FLII: variants seen among roughly 807,000 people sequenced by gnomAD.
FLII encodes FLII actin remodeling protein, also known as protein flightless-1 homolog.
FLII carries 101 observed loss-of-function variants against 156.2 expected under a neutral mutation model. The ratio of observed to expected loss-of-function variants is 0.65; its 90% CI spans 0.55 to 0.76. The LOEUF (loss-of-function observed/expected upper bound fraction) is 0.76. FLII is among the 30% of genes least tolerant of loss of function. FLII has a pLI of 0.00. For missense variants in FLII, 1,675 were observed against 1,682.8 expected, an observed-to-expected ratio of 1.00 and a Z score of 0.08; for synonymous variants, 767 against 685.8, an observed-to-expected ratio of 1.12 and a Z score of -1.85.
At chr17:18,256,658 T>G in intron 2 of FLII, 61 bp from the exon 3 acceptor site, 1 of 1,414,424 alleles carries the variant, frequency 7.1e-7, no homozygotes, top group Non-Finnish European at 9.8e-7. Context: ...AGTCCCTGCC[T>G]GCCTCCACAA....
In FLII at chr17:18,254,750, C is replaced by T. The variant is rs772677037; in HGVS notation, c.413+19G>A. The T allele has an allele frequency of 5.0e-6, 8 of 1,613,886 alleles. No homozygotes were observed. The highest frequency in any genetic ancestry group is 1.7e-5 in the Admixed American group (1 of 60,014). On this transcript the variant is annotated intron_variant, in intron 5 of 29. Transcript: ENST00000327031. ...CCCCACAGGGCCCACCTGCCCCCTGCCCCCCACTGGCCTGGCACCTGTTGT... is the reference window on the plus strand; with the variant it reads ...CCCCACAGGGCCCACCTGCCCCCTGTCCCCCACTGGCCTGGCACCTGTTGT...
intron 2 of FLII, 78 bp from the exon 3 acceptor site, chr17:18,256,675 A>G (rs1403244509): frequency 7.6e-7 from 1 of 1,319,744 alleles, no homozygotes; most frequent in Non-Finnish European, 1.1e-6. Flanking sequence ...ACAACTCTGC[A>G]CCATCCAGGA....
rs550188186 is a variant in FLII, at chr17:18,256,401, C to T, written c.246+125G>A. 16 of 723,264 alleles carry T rather than the reference C, an allele frequency of 2.2e-5. No homozygotes were observed. In the African/African-American group the frequency reaches 2.6e-4, roughly 12 times the overall value. 44.8% of individuals were successfully genotyped at this position (723,264 alleles called of 1,614,324 possible). A position where few individuals can be genotyped will look rare whatever the true frequency, so the allele number is the denominator to read the frequency against. Reference sequence around the variant, plus strand: ...AGAGGGCCCCTCTGTGACACCTGAGCCTCTGAGCCTGACACGGAGGTGGGC... The same window carrying T: ...AGAGGGCCCCTCTGTGACACCTGAGTCTCTGAGCCTGACACGGAGGTGGGC... On this transcript the variant is annotated intron_variant, in intron 3 of 29. Coordinates refer to ENST00000327031, the MANE Select transcript of FLII (RefSeq NM_002018.4).
At chr17:18,247,120 C>CCGGGGGGGG in intron 21 of FLII, 49 bp downstream of exon 21, 2 of 1,284,392 alleles carry the variant, frequency 1.6e-6, no homozygotes, top group Non-Finnish European at 2.1e-6. Flanking sequence ...CCGCCCTCGG[C>CCGGGGGGGG]CTGCCCCCCA....
intron 21 of FLII, 46 bp downstream of exon 21, chr17:18,247,123 G>GGGGGCCCC: frequency 8.0e-7 from 1 of 1,249,070 alleles, no homozygotes; most frequent in African/African-American, 2.5e-5. Context: ...CCCTCGGCCT[G>GGGGGCCCC]CCCCCCACCC....
At position 18,247,374 on chromosome 17, in the gene FLII, C is replaced by CAACT; in HGVS notation, c.2488-21_2488-18dup. Reference sequence around the variant, plus strand: ...CTTGAACACCTGCCAGGGAGGCCATCAACTAACCATGAGGGGTGCGGCATG... The same window carrying CAACT: ...CTTGAACACCTGCCAGGGAGGCCATCAACTAACTAACCATGAGGGGTGCGGCATG... On this transcript the variant is annotated splice_polypyrimidine_tract_variant and intron_variant, in intron 20 of 29. Transcript: ENST00000327031. The CAACT allele has an allele frequency of 1.9e-6, 3 of 1,592,136 alleles. No homozygotes were observed. Among genetic ancestry groups the CAACT allele is most frequent in the Non-Finnish European group, 2.6e-6 (3 of 1,169,190 alleles).
chr17:18,248,179 G>T, intron 18 of FLII, 146 bp from the exon 19 acceptor site: 1 of 618,156 alleles, frequency 1.6e-6, no homozygotes, highest in Non-Finnish European at 2.8e-6. Context: ...TCTTTTTAGG[G>T]ATATCCTTTC....
At chr17:18,257,627 C>A (rs147176229) in intron 1 of FLII, among the ~76,000 whole-genome samples, 1 of 152,234 alleles carries the variant, frequency 6.6e-6, no homozygotes, top group Non-Finnish European at 1.5e-5. Context: ...TTCCCCCTAG[C>A]GCCACATTCC....
intron 20 of FLII, 113 bp downstream of exon 20, chr17:18,247,542 CAA>C: frequency 8.9e-7 from 1 of 1,123,214 alleles, no homozygotes; most frequent in South Asian, 1.6e-5. Context: ...GCAGAGTCAG[CAA>C]AGAGGAGGTG....
chr17:18,249,254 C>A, intron 15 of FLII, 53 bp from the exon 16 acceptor site: 1 of 1,611,410 alleles, frequency 6.2e-7, no homozygotes, highest in African/African-American at 1.3e-5. Flanking sequence ...CTAACTTAGC[C>A]CCAACACCCT....
chr17:18,254,988 C>T, intron 4 of FLII, 134 bp from the exon 5 acceptor site: 3 of 986,690 alleles, frequency 3.0e-6, no homozygotes, highest in Non-Finnish European at 4.9e-6. Flanking sequence ...AGGGAGACAG[C>T]CAGGGACTTG....
rs1286232189 is a variant in FLII at position 18,258,425 on chromosome 17, C to A, written c.63+203G>T. On this transcript the variant is annotated intron_variant, in intron 1 of 29. Coordinates refer to ENST00000327031, the MANE Select transcript of FLII (RefSeq NM_002018.4). The surrounding 1 kb of genome is among the most constrained non-coding windows in gnomAD (Gnocchi z 4.2). The stretch of plus-strand genomic sequence containing the variant: ...AGCCCAAGCGTCCGTCCCCGGCCTG[C>A]CCAGCCTCGGTCTCCCCGTACAGGC... 1.4e-6 allele frequency: 2 copies of A among 1,461,074 alleles called. No individual in the cohort carries two copies. The highest frequency in any genetic ancestry group is 2.8e-5 in the East Asian group (1 of 36,074). 90.5% of individuals were successfully genotyped at this position (1,461,074 alleles called of 1,614,324 possible).
At chr17:18,245,500 T>A (rs568418687) in intron 28 of FLII, 55 bp downstream of exon 28, 2 of 1,611,162 alleles carry the variant, frequency 1.2e-6, no homozygotes, top group South Asian at 2.2e-5. Flanking sequence ...TTCCCATTTG[T>A]AAGTAAGTCT....
chr17:18,245,484 C>G (rs187507610), intron 28 of FLII, 65 bp from the exon 29 acceptor site: 5 of 1,612,024 alleles, frequency 3.1e-6, no homozygotes, highest in South Asian at 1.1e-5. Context: ...GCTCCTGGCC[C>G]GAGAATTCCC....
At position 18,246,019 on chromosome 17, in the gene FLII, C is replaced by T; in HGVS notation, c.3311G>A (p.Trp1104Ter). 1.2e-6 allele frequency: 2 copies of T among 1,614,156 alleles called. No individual in the cohort carries two copies. The highest frequency in any genetic ancestry group is 1.7e-6 in the Non-Finnish European group (2 of 1,180,030). ...SEDNQGIVYA[W>*]VGRASDPDEA... Reference sequence around the variant, plus strand: ...GTCAGGGTCTGATGCCCGGCCCACCCAGGCATACACGATGCCCTGGTTGTC... The same window carrying T: ...GTCAGGGTCTGATGCCCGGCCCACCTAGGCATACACGATGCCCTGGTTGTC... The change falls in exon 26 of 30, where the codon TGG becomes TAG. Residue 1104 changes from tryptophan to a stop codon, truncating the protein, a stop_gained. Coordinates refer to ENST00000327031, the MANE Select transcript of FLII (RefSeq NM_002018.4). LOFTEE classifies it high-confidence loss of function.
chr17:18,254,893 C>T lies in FLII; in HGVS notation c.328-39G>A, dbSNP rs754988668. 36 of 1,601,404 alleles carry T rather than the reference C, an allele frequency of 2.2e-5. No individual in the cohort carries two copies. In the South Asian group the frequency reaches 4.0e-4, roughly 18 times the overall value. Reference sequence around the variant, plus strand: ...GCAAGACCCAGGTCAGGGGAGTCTCCTCCCCACCAGGCGTCTGCCAAGCTT... The same window carrying T: ...GCAAGACCCAGGTCAGGGGAGTCTCTTCCCCACCAGGCGTCTGCCAAGCTT... On this transcript the variant is annotated intron_variant, in intron 4 of 29. Transcript: ENST00000327031.
At chr17:18,248,971 A>T (rs1203723102) in intron 16 of FLII, 88 bp from the exon 17 acceptor site, 2 of 1,420,600 alleles carry the variant, frequency 1.4e-6, no homozygotes, top group African/African-American at 2.8e-5. Context: ...AAAATCCCTC[A>T]CTATGGGGTT....
rs1280854802 is a variant in FLII at position 18,252,054 on chromosome 17, C to G, written c.1191G>C (p.Gln397His). The change falls in exon 11 of 30, where the codon CAG (glutamine) becomes CAC (histidine). Residue 397 changes from glutamine (Q) to histidine (H), a missense_variant. Around this residue, in one of 2 missense-constraint regions of FLII, gnomAD observed 1,332 missense variants for 1,269.3 expected, o/e 1.05. Coordinates refer to ENST00000327031, the MANE Select transcript of FLII (RefSeq NM_002018.4). ...AGGCACCCGCTAGCCGCAGCTGGTTCTGCAGCGAGAAGTCGATGTTGTACC... is the reference window on the plus strand; with the variant it reads ...AGGCACCCGCTAGCCGCAGCTGGTTGTGCAGCGAGAAGTCGATGTTGTACC... ...AEWYNIDFSL[Q>H]NQLRLAGASP... 6.2e-7 allele frequency: 1 copy of G among 1,613,364 alleles called. No individual in the cohort carries two copies. The highest frequency in any genetic ancestry group is 1.1e-5 in the South Asian group (1 of 91,088).
chr17:18,256,345 T>C (rs1309943016), intron 3 of FLII, among the ~76,000 whole-genome samples, 181 bp downstream of exon 3: 1 of 152,276 alleles, frequency 6.6e-6, no homozygotes, highest in Non-Finnish European at 1.5e-5. Flanking sequence ...CATGGGTTAC[T>C]TTACACAGGG....
Sources: gnomAD v4.1 joint callset for allele counts (sites outside exome capture counted in the v4.1 genomes callset) on GRCh38, gnomAD v4.1.1 for gene constraint, gnomAD v4.1.1 regional missense constraint, Gnocchi (gnomAD v3.1) non-coding constraint, MANE v1.5 for transcripts, NCBI Gene and HGNC (gene_info 2026-07-23, HGNC 2026-07-21) for gene names.